Variants in OLFM2 observed in about 807,000 individuals in gnomAD.
OLFM2 encodes the protein olfactomedin 2.
OLFM2 carries 20 observed loss-of-function variants against 43.9 expected under a neutral mutation model. The observed-to-expected ratio is 0.46, with a 90% CI of 0.32 to 0.66. The LOEUF is 0.66. Among genes scored for constraint, OLFM2 ranks in the 30% least tolerant of loss-of-function variants. OLFM2 has a pLI of 0.04. For synonymous variants in OLFM2, 268 were observed against 278.6 expected (o/e 0.96, Z 0.38); for missense variants, 416 against 643.6 (o/e 0.65, Z 3.83).
intron 1 of OLFM2, among the ~76,000 whole-genome samples, chr19:9,924,455 C>T (rs925223911): frequency 2.0e-5 from 3 of 148,248 alleles, no homozygotes; most frequent in Non-Finnish European, 4.5e-5. Flanking sequence ...ATGGAGGTCT[C>T]GCTCTGTCGC....
At chr19:9,919,176 C>CTTTCTTTTTTTTTTTT (rs1555728852) in intron 1 of OLFM2, among the ~76,000 whole-genome samples, 1 of 149,180 alleles carries the variant, frequency 6.7e-6, no homozygotes, top group African/African-American at 2.5e-5. Context: ...ATTTCTCTCT[C>CTTTCTTTTTTTTTTTT]TTTTTTTTGA....
chr19:9,917,980 G>A (rs559920094), intron 1 of OLFM2, among the ~76,000 whole-genome samples: 2 of 152,226 alleles, frequency 1.3e-5, no homozygotes, highest in Admixed American at 1.3e-4. Flanking sequence ...CTGGGTTCGA[G>A]TAATTCTCGT....
At chr19:9,873,483 C>T (rs1192817704) in intron 1 of OLFM2, among the ~76,000 whole-genome samples, 1 of 152,098 alleles carries the variant, frequency 6.6e-6, no homozygotes, top group Non-Finnish European at 1.5e-5. Context: ...GAGACAGGGT[C>T]TCAAGCAGTT....
intron 1 of OLFM2, chr19:9,913,367 G>A: frequency 1.9e-6 from 1 of 522,944 alleles, no homozygotes; most frequent in Non-Finnish European, 2.5e-6. Context: ...GCAGGGTCGT[G>A]GGAAGCACAG....
rs867527346 is a variant in OLFM2, at chr19:9,854,069, C to T, written c.*117G>A. The T allele has an allele frequency of 3.2e-5, 28 of 883,836 alleles. No individual in the cohort carries two copies. Among genetic ancestry groups the T allele is most frequent in the East Asian group, 2.4e-4 (9 of 37,746 alleles). 54.7% of individuals were successfully genotyped at this position (883,836 alleles called of 1,614,324 possible). On this transcript the variant is annotated 3_prime_UTR_variant, in exon 6 of 6. Transcript: ENST00000264833. This position sits in a 1 kb window ranked among gnomAD's most constrained non-coding sequence, Gnocchi z 9.5. ...AGAGAACAAAAGCCCAGCAAAAAGGCGGGGAGAAAGGGCGTGACAGAGACA... is the reference window on the plus strand; with the variant it reads ...AGAGAACAAAAGCCCAGCAAAAAGGTGGGGAGAAAGGGCGTGACAGAGACA...
chr19:9,874,708 T>A (rs951489768), intron 1 of OLFM2, among the ~76,000 whole-genome samples: 1 of 152,184 alleles, frequency 6.6e-6, no homozygotes, highest in African/African-American at 2.4e-5. Context: ...CTCAAATTGC[T>A]GACCTCAAGT....
chr19:9,907,363 G>A lies in OLFM2; in HGVS notation c.63+28941C>T, dbSNP rs1385117356. Among the ~76,000 whole-genome samples, 7 of 152,214 alleles carry A rather than the reference G, an allele frequency of 4.6e-5. No individual in the cohort carries two copies. In the East Asian group the frequency reaches 1.3e-3, roughly 29 times the overall value. ...CCAGCTACTTGGGAGGCCGAGGCAG[G>A]AGAATCGCTTGAACCCGGGAGGTGA... On this transcript the variant is annotated intron_variant, in intron 1 of 5. Coordinates refer to ENST00000264833, the MANE Select transcript of OLFM2 (RefSeq NM_058164.4).
At chr19:9,921,700 C>A (rs561405994) in intron 1 of OLFM2, among the ~76,000 whole-genome samples, 1 of 151,842 alleles carries the variant, frequency 6.6e-6, no homozygotes, top group Non-Finnish European at 1.5e-5. Context: ...TTAGCCAGGA[C>A]GGTCTTGATC....
intron 1 of OLFM2, among the ~76,000 whole-genome samples, chr19:9,916,174 T>C (rs1440473637): frequency 1.3e-5 from 2 of 152,000 alleles, no homozygotes; most frequent in Non-Finnish European, 2.9e-5. Flanking sequence ...CTGGCCAACA[T>C]GGTAAAACCC....
At chr19:9,865,255 C>A (rs2046391945) in intron 1 of OLFM2, among the ~76,000 whole-genome samples, 1 of 151,420 alleles carries the variant, frequency 6.6e-6, no homozygotes, top group Non-Finnish European at 1.5e-5. Flanking sequence ...GCCTCAACCT[C>A]CTGGGCTTAA....
At chr19:9,933,894 T>C (rs1188649656) in intron 1 of OLFM2, among the ~76,000 whole-genome samples, 1 of 152,198 alleles carries the variant, frequency 6.6e-6, no homozygotes, top group Non-Finnish European at 1.5e-5. Flanking sequence ...TTATTCTTCA[T>C]GCTACTTGCA....
intron 1 of OLFM2, among the ~76,000 whole-genome samples, chr19:9,905,938 AT>A (rs2046782433): frequency 6.6e-6 from 1 of 152,204 alleles, no homozygotes; most frequent in African/African-American, 2.4e-5. Flanking sequence ...ACGCTCAGAC[AT>A]TCCGCACACA....
chr19:9,863,897 C>T (rs993607510), intron 1 of OLFM2, among the ~76,000 whole-genome samples: 2 of 152,278 alleles, frequency 1.3e-5, no homozygotes, highest in Non-Finnish European at 2.9e-5. Context: ...AGCCTTTGTA[C>T]ACCCTTCCTA....
Position 9,860,718 on chromosome 19 carries a change from G to A in OLFM2, c.140C>T (p.Thr47Met), listed in dbSNP as rs751800583. 1.1e-5 allele frequency: 18 copies of A among 1,607,492 alleles called. No individual in the cohort carries two copies. Among genetic ancestry groups the A allele is most frequent in the Non-Finnish European group, 1.4e-5 (16 of 1,177,162 alleles). ...GGTACTCTGCGCTGGGATCACGGCC[G>A]TGCAGATGCATTTCCCGTCAGGGGC... The part of the protein sequence containing the change: ...AQAPDGKCIC[T>M]AVIPAQSTCS... The change falls in exon 2 of 6, where the codon ACG becomes ATG. Residue 47 changes from threonine (T) to methionine (M), a missense_variant. Coordinates refer to ENST00000264833, the MANE Select transcript of OLFM2 (RefSeq NM_058164.4).
chr19:9,923,615 AAG>A (rs902449385), intron 1 of OLFM2, among the ~76,000 whole-genome samples: 52 of 149,708 alleles, frequency 3.5e-4, no homozygotes, highest in African/African-American at 1.0e-3. Context: ...GAAAGAAGGA[AAG>A]AGAGAGAGAG....
intron 1 of OLFM2, among the ~76,000 whole-genome samples, chr19:9,915,973 CA>C (rs1195336893): frequency 6.6e-6 from 1 of 152,132 alleles, no homozygotes; most frequent in Non-Finnish European, 1.5e-5. Flanking sequence ...TGGAGTGAGC[CA>C]GGGGGAGAAT....
In OLFM2 at chr19:9,929,452, T is replaced by G. The variant is rs183609478; in HGVS notation, c.63+6852A>C. On this transcript the variant is annotated intron_variant, in intron 1 of 5. Coordinates refer to ENST00000264833, the MANE Select transcript of OLFM2 (RefSeq NM_058164.4). ...CTCTACTAAAAATGTAAACATTAGG[T>G]GGGTGTGGTGGTGTGTGCCTGTAGT... Among the ~76,000 whole-genome samples the G allele has an allele frequency of 3.4e-4, 51 of 151,094 alleles. 1 individual carries two copies. In the East Asian group the frequency reaches 7.9e-3, roughly 23 times the overall value.
intron 1 of OLFM2, among the ~76,000 whole-genome samples, chr19:9,912,224 T>C (rs2046832819): frequency 6.6e-6 from 1 of 152,110 alleles, no homozygotes; most frequent in Non-Finnish European, 1.5e-5. Context: ...CTGCCAAGTC[T>C]AAGAATCTAG....
chr19:9,854,408 G>A lies in OLFM2; in HGVS notation c.1143C>T (p.Tyr381=), dbSNP rs750068509. ...GEAFMICGVL[Y]VTNSHLAGAK... ...CCCCAGCCAGGTGGGAGTTGGTCAC[G>A]TAGAGCACACCGCAGATCATGAAGG... Residue 381 remains tyrosine, a synonymous_variant, in exon 6 of 6, where the codon TAC becomes TAT. Coordinates refer to ENST00000264833, the MANE Select transcript of OLFM2 (RefSeq NM_058164.4). The surrounding 1 kb of genome is among the most constrained non-coding windows in gnomAD (Gnocchi z 9.5). The A allele has an allele frequency of 3.8e-5, 62 of 1,614,062 alleles. No individual in the cohort carries two copies. Among genetic ancestry groups the A allele is most frequent in the Non-Finnish European group, 4.6e-5 (54 of 1,180,044 alleles).
Sources: gnomAD v4.1 joint callset for allele counts (sites outside exome capture counted in the v4.1 genomes callset) on GRCh38, gnomAD v4.1.1 for gene constraint, Gnocchi (gnomAD v3.1) non-coding constraint, MANE v1.5 for transcripts, NCBI Gene and HGNC (gene_info 2026-07-23, HGNC 2026-07-21) for gene names.